Variants in CNGA1 observed in about 807,000 individuals in gnomAD.
The protein encoded by CNGA1 is cyclic nucleotide-gated channel alpha-1.
A neutral mutation model predicts 69.7 loss-of-function variants in CNGA1; 53 were observed. The observed-to-expected ratio is 0.76, with a 90% confidence interval of 0.61 to 0.96. The LOEUF (loss-of-function observed/expected upper bound fraction) is 0.96, where lower values mean the gene tolerates loss of function less well. CNGA1 is among the 40% of genes least tolerant of loss of function. The pLI is 0.00. For synonymous variants in CNGA1, 249 were observed against 283.5 expected, an observed-to-expected ratio of 0.88 and a Z score of 1.22; for missense variants, 739 against 811.2, an observed-to-expected ratio of 0.91 and a Z score of 1.08.
intron 8 of CNGA1, chr4:47,942,836 G>T (rs6447599): frequency 0.83 from 147,501 of 178,634 alleles, 61,168 homozygotes; most frequent in East Asian, 0.98. Context: ...TTTTTAAAAT[G>T]ATTGTAGGAT....
intron 2 of CNGA1, among the ~76,000 whole-genome samples, chr4:47,987,369 T>A (rs1240657400): frequency 6.6e-6 from 1 of 152,196 alleles, no homozygotes; most frequent in Non-Finnish European, 1.5e-5. Context: ...TGGTCAATGA[T>A]GCCTTCATGT....
At chr4:47,939,298 GGTTAGT>G (rs1272166061) in intron 10 of CNGA1, among the ~76,000 whole-genome samples, 3 of 152,162 alleles carry the variant, frequency 2.0e-5, no homozygotes, top group African/African-American at 7.2e-5. Flanking sequence ...AGCATTATCA[GGTTAGT>G]GAACACATCT....
rs777235692 is a variant in CNGA1, at chr4:47,942,059, C to T, written c.527G>A (p.Trp176Ter). 4 of 1,608,096 alleles carry T rather than the reference C, an allele frequency of 2.5e-6. No homozygotes were observed. In the Admixed American group the frequency reaches 5.0e-5, roughly 20 times the overall value. The change falls in exon 9 of 11, where the codon TGG (tryptophan) becomes TAG (stop). Residue 176 changes from tryptophan (W) to a stop codon, truncating the protein, a stop_gained. Coordinates refer to ENST00000514170, the MANE Select transcript of CNGA1 (RefSeq NM_001379270.1). LOFTEE classifies it high-confidence loss of function. ...FCITLPVMYN[W>*]TMVIARACFD... ...TAGACACCTGGCAATAACCATTGTC[C>T]AGTTGTACATAACAGGTAATGTGAT...
rs373782782 is a variant in CNGA1, at chr4:47,936,608, C to T, written c.1874G>A (p.Arg625Gln). ...CAGGAGGTCTACTGACCCCTCCATTCGAGTAACCTTCTCTTCAAGATCTTT... is the reference window on the plus strand; with the variant it reads ...CAGGAGGTCTACTGACCCCTCCATTTGAGTAACCTTCTCTTCAAGATCTTT... The part of the protein sequence containing the change: ...DPKDLEEKVT[R>Q]MEGSVDLLQT... Residue 625 changes from arginine (R) to glutamine (Q), a missense_variant, in exon 11 of 11, where the codon CGA becomes CAA. By Grantham distance (43) the Arg-to-Gln change is conservative. Transcript: ENST00000514170. The T allele has an allele frequency of 2.7e-5, 44 of 1,614,032 alleles. No individual in the cohort carries two copies. Among genetic ancestry groups the T allele is most frequent in the African/African-American group, 1.7e-4 (13 of 74,912 alleles).
intron 6 of CNGA1, among the ~76,000 whole-genome samples, chr4:47,944,311 G>C (rs1739267322): frequency 6.6e-6 from 1 of 152,184 alleles, no homozygotes; most frequent in Non-Finnish European, 1.5e-5. Flanking sequence ...CTGTTAAGAA[G>C]AAATGGAAGA....
intron 2 of CNGA1, 42 bp from the exon 3 acceptor site, chr4:47,981,542 T>C (rs1245388969): frequency 1.3e-5 from 2 of 152,162 alleles, no homozygotes; most frequent in African/African-American, 4.8e-5. Flanking sequence ...TTTTTCCCTT[T>C]CCTCAAAGAT....
chr4:48,004,070 T>C (rs1214162383), intron 2 of CNGA1, among the ~76,000 whole-genome samples: 1 of 152,254 alleles, frequency 6.6e-6, no homozygotes, highest in Admixed American at 6.5e-5. Flanking sequence ...CACCTGGCTC[T>C]GCCGTTTAGT....
At chr4:48,006,079 A>T (rs1714903602) in intron 2 of CNGA1, among the ~76,000 whole-genome samples, 1 of 152,196 alleles carries the variant, frequency 6.6e-6, no homozygotes. Context: ...AGTTAAACAG[A>T]TTACTTCAGA....
chr4:47,991,004 C>T (rs1464849335), intron 2 of CNGA1, among the ~76,000 whole-genome samples: 1 of 152,028 alleles, frequency 6.6e-6, no homozygotes, highest in Non-Finnish European at 1.5e-5. Context: ...AGTAGTATTC[C>T]ATTATATATA....
chr4:47,958,357 G>T (rs1057115509), intron 3 of CNGA1, among the ~76,000 whole-genome samples: 1 of 151,538 alleles, frequency 6.6e-6, no homozygotes, highest in East Asian at 2.0e-4. Context: ...AGGCGTGGTG[G>T]CTCACGCCTG....
intron 3 of CNGA1, among the ~76,000 whole-genome samples, chr4:47,953,642 G>A (rs1739878893): frequency 6.6e-6 from 1 of 152,188 alleles, no homozygotes; most frequent in African/African-American, 2.4e-5. Context: ...GAGGAGGCAG[G>A]GTGGAATTTC....
chr4:47,951,533 A>T, intron 4 of CNGA1, 64 bp from the exon 5 acceptor site: 2 of 1,027,188 alleles, frequency 1.9e-6, no homozygotes, highest in South Asian at 1.3e-5. Context: ...GAGAGGCAAC[A>T]TTCCTCACTA....
At chr4:47,941,954 G>T in intron 9 of CNGA1, 87 bp downstream of exon 9, 1 of 777,294 alleles carries the variant, frequency 1.3e-6, no homozygotes, top group Non-Finnish European at 2.2e-6. Context: ...GTCCTAAAGG[G>T]CTCTAAGTCA....
intron 2 of CNGA1, among the ~76,000 whole-genome samples, chr4:47,994,568 G>A (rs975163059): frequency 1.3e-5 from 2 of 152,050 alleles, no homozygotes; most frequent in East Asian, 3.9e-4. Context: ...GTCCTTATGT[G>A]TTAGGTGAGT....
intron 3 of CNGA1, among the ~76,000 whole-genome samples, chr4:47,953,008 A>G (rs902698606): frequency 1.9e-4 from 29 of 152,282 alleles, no homozygotes; most frequent in Admixed American, 1.2e-3. Flanking sequence ...CTTATTCACT[A>G]TCATGAGACT....
At chr4:47,983,008 T>C (rs1251399166) in intron 2 of CNGA1, among the ~76,000 whole-genome samples, 1 of 152,156 alleles carries the variant, frequency 6.6e-6, no homozygotes, top group African/African-American at 2.4e-5. Context: ...TTCGCCATGT[T>C]GGCCAGGCTG....
In CNGA1 at chr4:47,951,404, G is replaced by C; in HGVS notation, c.173C>G (p.Ala58Gly). The C allele has an allele frequency of 1.2e-6, 2 of 1,613,836 alleles. No individual in the cohort carries two copies. Among genetic ancestry groups the C allele is most frequent in the Non-Finnish European group, 1.7e-6 (2 of 1,179,774 alleles). Residue 58 changes from alanine to glycine, a missense_variant, in exon 5 of 11, where the codon GCA becomes GGA. By Grantham distance (60) the Ala-to-Gly change is moderately conservative. Transcript: ENST00000514170. ...SEESENENPH[A>G]RGSFSYKSLR... The stretch of plus-strand genomic sequence containing the variant: ...TGACTTATAACTAAAGGAACCCCTT[G>C]CATGAGGGTTTTCATTCTCTGATTC...
In CNGA1 at chr4:47,936,323, CAACT is replaced by C. The variant is rs1410736729; in HGVS notation, c.*94_*97del. 62 of 1,389,430 alleles carry C rather than the reference CAACT, an allele frequency of 4.5e-5. No individual in the cohort carries two copies. Among genetic ancestry groups the C allele is most frequent in the Non-Finnish European group, 5.9e-5 (58 of 989,574 alleles). 86.1% of individuals were successfully genotyped at this position (1,389,430 alleles called of 1,614,324 possible). ...ACATTTTCCTCATGGAAAAATTTCC[CAACT>C]GAGTCTTCCTCTTCTTTTAAATTTT... On this transcript the variant is annotated 3_prime_UTR_variant, in exon 11 of 11. Coordinates refer to ENST00000514170, the MANE Select transcript of CNGA1 (RefSeq NM_001379270.1).
chr4:48,014,229 TC>T (rs1715283723), intron 1 of CNGA1, among the ~76,000 whole-genome samples: 1 of 152,084 alleles, frequency 6.6e-6, no homozygotes, highest in Admixed American at 6.6e-5. Flanking sequence ...GGAATAAATA[TC>T]CCCCAACTTT....
Sources: allele counts gnomAD v4.1 joint callset (sites outside exome capture counted in the v4.1 genomes callset), GRCh38; gene constraint gnomAD v4.1.1; transcripts MANE v1.5; gene names NCBI Gene and HGNC (gene_info 2026-07-23, HGNC 2026-07-21).